The following FRMD4A variants were observed in gnomAD, a reference collection of about 807,000 sequenced individuals.
FRMD4A encodes the protein FERM domain containing 4A.
Under a neutral mutation model 129.1 loss-of-function variants are expected in FRMD4A, and 29 were observed. That is an observed-to-expected ratio of 0.22 (90% CI 0.17 to 0.31). The LOEUF is 0.31. Among genes scored for constraint, FRMD4A ranks in the 10% least tolerant of loss-of-function variants. FRMD4A has a pLI of 1.00. For synonymous variants in FRMD4A, 634 were observed against 571.6 expected (o/e 1.11, Z -1.56); for missense variants, 1,272 against 1,375.8 (o/e 0.92, Z 1.19).
chr10:13,984,683 T>C (rs2095574684), intron 2 of FRMD4A, among the ~76,000 whole-genome samples: 1 of 152,248 alleles, frequency 6.6e-6, no homozygotes, highest in Non-Finnish European at 1.5e-5. Flanking sequence ...TCAGGGTTCA[T>C]CCGTGGTGTA....
intron 2 of FRMD4A, among the ~76,000 whole-genome samples, chr10:14,207,511 A>C (rs1395088572): frequency 1.3e-5 from 2 of 152,160 alleles, no homozygotes; most frequent in Non-Finnish European, 2.9e-5. Flanking sequence ...CTGTGTATAA[A>C]ATGTGACTTT....
chr10:13,985,253 C>G (rs527478960), intron 2 of FRMD4A, among the ~76,000 whole-genome samples: 21 of 152,334 alleles, frequency 1.4e-4, no homozygotes, highest in Admixed American at 1.1e-3. Context: ...GGTGTCCCTC[C>G]TCCTGCATAC....
At chr10:13,803,934 G>A (rs1289126707) in intron 4 of FRMD4A, among the ~76,000 whole-genome samples, 8 of 152,144 alleles carry the variant, frequency 5.3e-5, no homozygotes, top group South Asian at 2.1e-4. Context: ...AGCTCCCTCC[G>A]GTCATTTGCA....
chr10:14,226,021 A>T (rs1302794685), intron 2 of FRMD4A, among the ~76,000 whole-genome samples: 1 of 152,238 alleles, frequency 6.6e-6, no homozygotes, highest in Admixed American at 6.5e-5. Context: ...AATGTGTAAC[A>T]GAGCCTTTTT....
intron 5 of FRMD4A, among the ~76,000 whole-genome samples, chr10:13,795,453 CTT>C (rs2093094823): frequency 6.6e-6 from 1 of 152,234 alleles, no homozygotes; most frequent in African/African-American, 2.4e-5. Context: ...CCCTTTAACT[CTT>C]GTTTGAAGCC....
At chr10:14,059,245 C>T (rs184835871) in intron 2 of FRMD4A, among the ~76,000 whole-genome samples, 1 of 152,284 alleles carries the variant, frequency 6.6e-6, no homozygotes, top group Admixed American at 6.5e-5. Context: ...AGTGCTGTTA[C>T]CTCCTAAATG....
intron 5 of FRMD4A, among the ~76,000 whole-genome samples, chr10:13,793,172 CTT>C (rs1162846396): frequency 1.6e-4 from 23 of 140,820 alleles, no homozygotes; most frequent in Admixed American, 2.8e-4. Context: ...CCCTCTGTTT[CTT>C]TTTTTTTTTT....
In FRMD4A at chr10:13,821,942, G is replaced by A. The variant is rs2093635231; in HGVS notation, c.112-11034C>T. Among the ~76,000 whole-genome samples, 1 of 152,164 alleles carries A rather than the reference G, an allele frequency of 6.6e-6. No homozygotes were observed. The highest frequency in any genetic ancestry group is 1.5e-5 in the Non-Finnish European group (1 of 68,032). ...ACCTCCATCCTTTGCCCCCGCTAAT[G>A]TTACACTTAGGGGACAGAGCAGGTC... On this transcript the variant is annotated intron_variant, in intron 3 of 24. Coordinates refer to ENST00000357447, the MANE Select transcript of FRMD4A (RefSeq NM_018027.5). The surrounding 1 kb of genome is among the most constrained non-coding windows in gnomAD (Gnocchi z 4.3).
At chr10:14,229,427 A>G (rs1843561184) in intron 2 of FRMD4A, among the ~76,000 whole-genome samples, 1 of 152,178 alleles carries the variant, frequency 6.6e-6, no homozygotes, top group Non-Finnish European at 1.5e-5. Context: ...AACTAAAAGC[A>G]GCTATGGAAA....
chr10:13,948,545 G>A (rs1489733156), intron 2 of FRMD4A, among the ~76,000 whole-genome samples: 1 of 152,096 alleles, frequency 6.6e-6, no homozygotes, highest in African/African-American at 2.4e-5. Flanking sequence ...GAGGGGTTAG[G>A]AGCATTTTGC....
At chr10:14,185,856 C>G (rs537260359) in intron 2 of FRMD4A, among the ~76,000 whole-genome samples, 1 of 152,004 alleles carries the variant, frequency 6.6e-6, no homozygotes, top group African/African-American at 2.4e-5. Flanking sequence ...GCCAGGTTTC[C>G]CATAGAGTTA....
At chr10:14,003,819 A>G (rs1192013547) in intron 2 of FRMD4A, among the ~76,000 whole-genome samples, 1 of 152,172 alleles carries the variant, frequency 6.6e-6, no homozygotes, top group Non-Finnish European at 1.5e-5. Flanking sequence ...ACATAAAACC[A>G]TTTCCTCGTA....
chr10:13,804,959 C>G (rs1385358907), intron 4 of FRMD4A, among the ~76,000 whole-genome samples: 1 of 152,096 alleles, frequency 6.6e-6, no homozygotes, highest in Non-Finnish European at 1.5e-5. Context: ...AGAAAAGATC[C>G]TTAATTGTTT....
intron 2 of FRMD4A, among the ~76,000 whole-genome samples, chr10:14,122,251 A>G (rs1485557840): frequency 6.6e-6 from 1 of 152,214 alleles, no homozygotes; most frequent in East Asian, 1.9e-4. Flanking sequence ...GCTAAAATCA[A>G]TTACAACAAG....
intron 2 of FRMD4A, among the ~76,000 whole-genome samples, chr10:14,205,667 T>G (rs1842759986): frequency 6.6e-6 from 1 of 151,946 alleles, no homozygotes; most frequent in East Asian, 1.9e-4. Context: ...ATTAGCTGGG[T>G]GTGGTGGCAG....
chr10:14,218,291 G>A (rs185546497), intron 2 of FRMD4A, among the ~76,000 whole-genome samples: 3 of 152,298 alleles, frequency 2.0e-5, no homozygotes, highest in Admixed American at 6.5e-5. Context: ...CAGCAGAGAA[G>A]GTAACTGAGG....
At chr10:14,068,258 G>A (rs1483765878) in intron 2 of FRMD4A, among the ~76,000 whole-genome samples, 4 of 152,190 alleles carry the variant, frequency 2.6e-5, no homozygotes, top group Non-Finnish European at 2.9e-5. Context: ...GGTAGGAAGA[G>A]GCACCATCTC....
At chr10:14,029,544 C>G (rs1018293671) in intron 2 of FRMD4A, among the ~76,000 whole-genome samples, 6 of 152,138 alleles carry the variant, frequency 3.9e-5, no homozygotes, top group African/African-American at 1.2e-4. Flanking sequence ...TTCCTTGAAC[C>G]ATTTTCCTGT....
At chr10:13,812,503 A>G (rs771459651) in intron 3 of FRMD4A, among the ~76,000 whole-genome samples, 3 of 152,264 alleles carry the variant, frequency 2.0e-5, no homozygotes, top group Non-Finnish European at 4.4e-5. Flanking sequence ...TTGAATGCCT[A>G]CTATGTACAG....
Sources: gnomAD v4.1 joint callset for allele counts (sites outside exome capture counted in the v4.1 genomes callset) on GRCh38, gnomAD v4.1.1 for gene constraint, Gnocchi (gnomAD v3.1) non-coding constraint, MANE v1.5 for transcripts, NCBI Gene and HGNC (gene_info 2026-07-23, HGNC 2026-07-21) for gene names.